KCNQ3: variants seen among roughly 807,000 people sequenced by gnomAD.
KCNQ3 encodes potassium voltage-gated channel subfamily Q member 3.
In KCNQ3, 30 loss-of-function variants were observed where a neutral mutation model predicts 92.5. The ratio of observed to expected loss-of-function variants is 0.32; its 90% CI spans 0.24 to 0.44. KCNQ3 has a LOEUF of 0.44. Among genes scored for constraint, KCNQ3 ranks in the 20% least tolerant of loss-of-function variants. KCNQ3 has a pLI of 1.00. For synonymous variants in KCNQ3, 450 were observed against 468.8 expected (o/e 0.96, Z 0.52); for missense variants, 913 against 1,140.3 (o/e 0.80, Z 2.87).
chr8:132,129,963 C>G lies in KCNQ3; in HGVS notation c.1918G>C (p.Val640Leu). 1 of 1,613,898 alleles carries G rather than the reference C, an allele frequency of 6.2e-7. No homozygotes were observed. Residue 640 changes from valine to leucine, a missense_variant, in exon 15 of 15, where the codon GTG (valine) becomes CTG (leucine). Around this residue, in one of 6 missense-constraint regions of KCNQ3, gnomAD observed 375 missense variants for 376.4 expected, o/e 1.00. Coordinates refer to ENST00000388996, the MANE Select transcript of KCNQ3 (RefSeq NM_004519.4). The surrounding 1 kb of genome is among the most constrained non-coding windows in gnomAD (Gnocchi z 5.9). ...QDMGKKLDFL[V>L]DMHMQHMERL... ...TCCATGTGTTGCATGTGCATATCCA[C>G]GAGGAAGTCCAGCTTCTTCCCCATG...
At chr8:132,424,039 T>G (rs1032509392) in intron 1 of KCNQ3, among the ~76,000 whole-genome samples, 1 of 152,140 alleles carries the variant, frequency 6.6e-6, no homozygotes, top group South Asian at 2.1e-4. Context: ...TGATCTCAAA[T>G]GAAAAGCTTG....
chr8:132,182,378 C>T (rs1398839586), intron 3 of KCNQ3, among the ~76,000 whole-genome samples: 2 of 152,284 alleles, frequency 1.3e-5, no homozygotes, highest in African/African-American at 2.4e-5. Context: ...TGTTCATGGG[C>T]GTGATAACCA....
chr8:132,238,556 C>T (rs1288129636), intron 1 of KCNQ3, among the ~76,000 whole-genome samples: 1 of 152,172 alleles, frequency 6.6e-6, no homozygotes, highest in Non-Finnish European at 1.5e-5. Flanking sequence ...TTCTTCAACT[C>T]TTATGCAAAC....
intron 1 of KCNQ3, chr8:132,186,606 G>A (rs1346493507): frequency 3.2e-6 from 1 of 310,632 alleles, no homozygotes; most frequent in Admixed American, 4.8e-5. Context: ...TTCTTAGAAT[G>A]AAGAAAACAC....
At chr8:132,132,948 C>G (rs371018519) in intron 13 of KCNQ3, among the ~76,000 whole-genome samples, 4 of 152,234 alleles carry the variant, frequency 2.6e-5, no homozygotes, top group East Asian at 1.9e-4. Flanking sequence ...TAGTTGATTT[C>G]TCTCTCTCAT....
At chr8:132,333,738 T>C (rs1818293052) in intron 1 of KCNQ3, among the ~76,000 whole-genome samples, 1 of 47,308 alleles carries the variant, frequency 2.1e-5, no homozygotes, top group South Asian at 7.1e-4. Context: ...TGAAACAAAT[T>C]TTTTTTTTTT....
intron 1 of KCNQ3, among the ~76,000 whole-genome samples, chr8:132,337,870 G>C (rs1411889865): frequency 1.3e-5 from 2 of 152,234 alleles, no homozygotes; most frequent in African/African-American, 2.4e-5. Flanking sequence ...AAGTCTGGCA[G>C]TATAGAAATG....
Position 132,129,875 on chromosome 8 carries a change from G to A in KCNQ3, c.2006C>T (p.Ala669Val). ...PTKGTSSPAE[A>V]EKKEDNRYSD... is the part of the protein sequence containing the mutation. ...ATACCTGTTGTCCTCCTTCTTCTCT[G>A]CTTCAGCTGGCGAGGAGGTGCCCTT... Residue 669 changes from alanine to valine, a missense_variant, in exon 15 of 15, where the codon GCA becomes GTA. Coordinates refer to ENST00000388996, the MANE Select transcript of KCNQ3 (RefSeq NM_004519.4). The surrounding 1 kb of genome is among the most constrained non-coding windows in gnomAD (Gnocchi z 5.9). 6.2e-7 allele frequency: 1 copy of A among 1,614,124 alleles called. No homozygotes were observed. Among genetic ancestry groups the A allele is most frequent in the Non-Finnish European group, 8.5e-7 (1 of 1,180,008 alleles).
chr8:132,451,001 A>G (rs897161298), intron 1 of KCNQ3, among the ~76,000 whole-genome samples: 2 of 152,206 alleles, frequency 1.3e-5, no homozygotes, highest in East Asian at 1.9e-4. Flanking sequence ...GCTTTTACTC[A>G]TCGCTCAAGA....
In KCNQ3 at chr8:132,466,320, G is replaced by A. The variant is rs140681922; in HGVS notation, c.386+13827C>T. 3.8e-4 allele frequency among the ~76,000 whole-genome samples: 57 copies of A among 151,804 alleles called. No individual in the cohort carries two copies. The East Asian group carries it at 8.9e-3, about 24-fold the overall frequency. ...GAGAAAACAGAGCCACATATTGTGA[G>A]CTTTAAGTCACAGTATTTTCTTTAC... On this transcript the variant is annotated intron_variant, in intron 1 of 14. Transcript: ENST00000388996.
In KCNQ3 at chr8:132,465,836, C is replaced by T. The variant is rs530341836; in HGVS notation, c.386+14311G>A. Among the ~76,000 whole-genome samples, 16 of 152,214 alleles carry T rather than the reference C, an allele frequency of 1.1e-4. No individual in the cohort carries two copies. In the South Asian group the frequency reaches 1.5e-3, roughly 14 times the overall value. ...TGAGGCGGGAGGACTGCTTTGAGCC[C>T]AGGAGGTCGAGGCTGTGGTGGGCCA... On this transcript the variant is annotated intron_variant, in intron 1 of 14. Coordinates refer to ENST00000388996, the MANE Select transcript of KCNQ3 (RefSeq NM_004519.4).
At chr8:132,347,202 T>G (rs938644331) in intron 1 of KCNQ3, among the ~76,000 whole-genome samples, 1 of 152,192 alleles carries the variant, frequency 6.6e-6, no homozygotes, top group African/African-American at 2.4e-5. Flanking sequence ...CAAGAATGAA[T>G]AGCCATTGAT....
At chr8:132,424,250 G>C (rs1410680838) in intron 1 of KCNQ3, among the ~76,000 whole-genome samples, 1 of 151,918 alleles carries the variant, frequency 6.6e-6, no homozygotes, top group Non-Finnish European at 1.5e-5. Flanking sequence ...CCACAGAATA[G>C]ACGTGCCCCC....
chr8:132,179,834 A>C (rs1349496040), intron 4 of KCNQ3, among the ~76,000 whole-genome samples: 1 of 152,122 alleles, frequency 6.6e-6, no homozygotes, highest in Non-Finnish European at 1.5e-5. Flanking sequence ...AATCTGAAGG[A>C]ATAGGCATTA....
At chr8:132,274,375 A>T (rs545590341) in intron 1 of KCNQ3, among the ~76,000 whole-genome samples, 1 of 152,302 alleles carries the variant, frequency 6.6e-6, no homozygotes, top group South Asian at 2.1e-4. Flanking sequence ...ACCTGTCCCC[A>T]TGATAAAATT....
At chr8:132,437,061 C>T (rs2597326) in intron 1 of KCNQ3, among the ~76,000 whole-genome samples, 35,640 of 151,286 alleles carry the variant, frequency 0.24, 4,327 homozygotes, top group East Asian at 0.27. Flanking sequence ...GGGCGGATCA[C>T]GAGGTCAGGA....
At chr8:132,407,506 G>A (rs528939473) in intron 1 of KCNQ3, among the ~76,000 whole-genome samples, 1 of 152,224 alleles carries the variant, frequency 6.6e-6, no homozygotes, top group East Asian at 1.9e-4. Flanking sequence ...ACTTCAGACG[G>A]GCTTCACTTC....
chr8:132,394,047 C>T (rs1820123890), intron 1 of KCNQ3, among the ~76,000 whole-genome samples: 1 of 152,178 alleles, frequency 6.6e-6, no homozygotes, highest in South Asian at 2.1e-4. Context: ...AACAGAGCTA[C>T]GGAAACAGCC....
intron 6 of KCNQ3, 25 bp downstream of exon 6, chr8:132,174,214 G>T (rs1301827959): frequency 2.0e-6 from 3 of 1,493,672 alleles, no homozygotes. Context: ...TCACATTGGG[G>T]ATGTCATATA....
Sources: gnomAD v4.1 joint callset for allele counts (sites outside exome capture counted in the v4.1 genomes callset) on GRCh38, gnomAD v4.1.1 for gene constraint, gnomAD v4.1.1 regional missense constraint, Gnocchi (gnomAD v3.1) non-coding constraint, MANE v1.5 for transcripts, NCBI Gene and HGNC (gene_info 2026-07-23, HGNC 2026-07-21) for gene names.